The following NSG2 variants were observed in gnomAD, a reference collection of about 807,000 sequenced individuals.
The protein encoded by NSG2 is neuronal vesicle trafficking-associated protein 2.
In NSG2, 4 loss-of-function variants were observed where a neutral mutation model predicts 16.9. The ratio of observed to expected loss-of-function variants is 0.24; its 90% CI spans 0.12 to 0.54. The LOEUF is 0.54. NSG2 is among the 20% of genes least tolerant of loss of function. The probability of loss-of-function intolerance (pLI) is 0.95; values close to 1 mark genes in which losing one functional copy is unlikely to be tolerated. For missense variants in NSG2, 179 were observed against 221.1 expected (o/e 0.81, Z 1.21); for synonymous variants, 98 against 88.7 (o/e 1.11, Z -0.59).
chr5:174,102,888 C>T (rs1414105330), intron 3 of NSG2, among the ~76,000 whole-genome samples: 3 of 151,182 alleles, frequency 2.0e-5, no homozygotes, highest in Non-Finnish European at 4.4e-5. Flanking sequence ...AAGCAATTCT[C>T]CTGCCTCAGC....
intron 3 of NSG2, among the ~76,000 whole-genome samples, chr5:174,099,239 C>T (rs1760861286): frequency 6.6e-6 from 1 of 152,282 alleles, no homozygotes; most frequent in South Asian, 2.1e-4. Flanking sequence ...CTCTCCAGCT[C>T]CCGCCCCACC....
chr5:174,070,092 T>G (rs768495593), intron 3 of NSG2, among the ~76,000 whole-genome samples: 1 of 152,028 alleles, frequency 6.6e-6, no homozygotes, highest in Non-Finnish European at 1.5e-5. Context: ...CTCACTTTGT[T>G]GCTCAGGCTG....
intron 3 of NSG2, among the ~76,000 whole-genome samples, chr5:174,095,887 G>T (rs1330344274): frequency 6.6e-6 from 1 of 152,236 alleles, no homozygotes; most frequent in Non-Finnish European, 1.5e-5. Context: ...CTGACACACT[G>T]TAGGTGCTCA....
intron 2 of NSG2, among the ~76,000 whole-genome samples, chr5:174,060,614 T>A (rs1317768377): frequency 1.3e-5 from 2 of 149,534 alleles, no homozygotes; most frequent in Non-Finnish European, 2.9e-5. Context: ...AGGTCAGAAG[T>A]CCAGCCATAG....
chr5:174,052,805 C>T (rs552446296), intron 2 of NSG2, among the ~76,000 whole-genome samples: 7 of 152,288 alleles, frequency 4.6e-5, no homozygotes, highest in South Asian at 4.1e-4. Context: ...TCTGCATGCA[C>T]GTGTGCTGGG....
chr5:174,077,600 A>C (rs1260031126), intron 3 of NSG2, among the ~76,000 whole-genome samples: 4 of 152,094 alleles, frequency 2.6e-5, no homozygotes, highest in African/African-American at 9.7e-5. Flanking sequence ...CATCTCATAA[A>C]ACTGGCTGGG....
chr5:174,090,749 T>C (rs1217704106), intron 3 of NSG2, among the ~76,000 whole-genome samples: 1 of 152,194 alleles, frequency 6.6e-6, no homozygotes, highest in Non-Finnish European at 1.5e-5. Flanking sequence ...TCCTTCCTCC[T>C]CATGGACAAG....
chr5:174,074,344 G>A lies in NSG2; in HGVS notation c.213+10029G>A, dbSNP rs574739666. ...AGCTTCCTCTTGTAGCTGCATGGTA[G>A]TTTTATTTCTGGGGAGGGAGGTCTC... is the stretch of plus-strand genomic sequence containing the variant. On this transcript the variant is annotated intron_variant, in intron 3 of 4. Coordinates refer to ENST00000303177, the MANE Select transcript of NSG2 (RefSeq NM_015980.5). 5.3e-4 allele frequency among the ~76,000 whole-genome samples: 80 copies of A among 152,308 alleles called. No individual in the cohort carries two copies. In the Middle Eastern group the frequency reaches 0.01, roughly 19 times the overall value.
chr5:174,102,553 G>A (rs1176074074), intron 3 of NSG2, among the ~76,000 whole-genome samples: 5 of 152,116 alleles, frequency 3.3e-5, no homozygotes, highest in Non-Finnish European at 7.3e-5. Flanking sequence ...TAGATGGTGG[G>A]ATGGGGTCAG....
intron 3 of NSG2, among the ~76,000 whole-genome samples, chr5:174,103,584 A>G (rs1048216433): frequency 2.6e-5 from 4 of 152,186 alleles, no homozygotes; most frequent in African/African-American, 9.7e-5. Flanking sequence ...TGACAGCTTA[A>G]TGATCAACTC....
At chr5:174,055,628 A>G (rs1759957304) in intron 2 of NSG2, among the ~76,000 whole-genome samples, 2 of 152,112 alleles carry the variant, frequency 1.3e-5, no homozygotes, top group Admixed American at 1.3e-4. Flanking sequence ...ATAAAAAAGT[A>G]AGTGGGGAGT....
chr5:174,072,942 C>A lies in NSG2; in HGVS notation c.213+8627C>A, dbSNP rs780544427. Among the ~76,000 whole-genome samples the A allele has an allele frequency of 6.6e-6, 1 of 152,124 alleles. No individual in the cohort carries two copies. The highest frequency in any genetic ancestry group is 2.4e-5 in the African/African-American group (1 of 41,404). ...TGAGGCTGCAGTGAGCCGGATTGTG[C>A]CACTGCACTCCAACCTGGGTAACAG... On this transcript the variant is annotated intron_variant, in intron 3 of 4. Transcript: ENST00000303177. The surrounding 1 kb of genome is among the most constrained non-coding windows in gnomAD (Gnocchi z 4.0).
Position 174,072,735 on chromosome 5 carries a change from G to A in NSG2, c.213+8420G>A, listed in dbSNP as rs1468345810. Among the ~76,000 whole-genome samples, 1 of 152,206 alleles carries A rather than the reference G, an allele frequency of 6.6e-6. No individual in the cohort carries two copies. Among genetic ancestry groups the A allele is most frequent in the East Asian group, 1.9e-4 (1 of 5,194 alleles). On this transcript the variant is annotated intron_variant, in intron 3 of 4. Coordinates refer to ENST00000303177, the MANE Select transcript of NSG2 (RefSeq NM_015980.5). This position sits in a 1 kb window ranked among gnomAD's most constrained non-coding sequence, Gnocchi z 4.0. The stretch of plus-strand genomic sequence containing the variant: ...GTGGTGGCTCACACCTGTAATCCTA[G>A]CACTTTGGAAGGCCAAGGTGGGAGG...
intron 3 of NSG2, among the ~76,000 whole-genome samples, chr5:174,069,847 G>C (rs1264085130): frequency 6.7e-6 from 1 of 149,296 alleles, no homozygotes; most frequent in African/African-American, 2.5e-5. Flanking sequence ...CTGGAGGCAC[G>C]TGTTTGCTTG....
At chr5:174,050,462 G>A (rs1430394041) in intron 2 of NSG2, among the ~76,000 whole-genome samples, 1 of 152,098 alleles carries the variant, frequency 6.6e-6, no homozygotes, top group African/African-American at 2.4e-5. Flanking sequence ...CTTGTGAGGT[G>A]GATCTCAGTG....
intron 1 of NSG2, among the ~76,000 whole-genome samples, chr5:174,046,360 G>A (rs945294052): frequency 4.6e-5 from 7 of 152,002 alleles, no homozygotes; most frequent in African/African-American, 1.2e-4. Context: ...CAGGCGGGGG[G>A]GGTGGTATAA....
At chr5:174,106,413 G>A (rs1304193257) in intron 4 of NSG2, among the ~76,000 whole-genome samples, 1 of 152,002 alleles carries the variant, frequency 6.6e-6, no homozygotes, top group African/African-American at 2.4e-5. Context: ...CACCTTTGGT[G>A]GAGTGTATTC....
intron 3 of NSG2, among the ~76,000 whole-genome samples, chr5:174,097,965 CAG>C (rs1294919464): frequency 2.0e-5 from 3 of 151,968 alleles, no homozygotes; most frequent in African/African-American, 7.3e-5. Flanking sequence ...CTACTGGGCA[CAG>C]AGAAAAGGGT....
At chr5:174,052,853 G>A (rs1296678062) in intron 2 of NSG2, among the ~76,000 whole-genome samples, 4 of 152,194 alleles carry the variant, frequency 2.6e-5, no homozygotes, top group Non-Finnish European at 5.9e-5. Flanking sequence ...CCATAGACAG[G>A]CACAACCCAC....
Sources: allele counts gnomAD v4.1 joint callset (sites outside exome capture counted in the v4.1 genomes callset), GRCh38; gene constraint gnomAD v4.1.1; non-coding constraint Gnocchi (gnomAD v3.1); transcripts MANE v1.5; gene names NCBI Gene and HGNC (gene_info 2026-07-23, HGNC 2026-07-21).